DVL1: variants seen among roughly 807,000 people sequenced by gnomAD.
DVL1 encodes segment polarity protein dishevelled homolog DVL-1.
Under a neutral mutation model 65.0 loss-of-function variants are expected in DVL1, and 49 were observed. The ratio of observed to expected loss-of-function variants is 0.75; its 90% CI spans 0.60 to 0.96. DVL1 has a LOEUF of 0.96. DVL1 is among the 40% of genes least tolerant of loss of function. The pLI is 0.00. For synonymous variants in DVL1, 608 were observed against 433.9 expected (o/e 1.40, Z -4.99); for missense variants, 1,197 against 1,045.4 (o/e 1.15, Z -2.00).
chr1:1,338,229 T>TG, intron 13 of DVL1, 40 bp downstream of exon 13: 51 of 1,522,226 alleles, frequency 3.4e-5, no homozygotes, highest in Non-Finnish European at 3.9e-5. Context: ...CCTCCGGCGT[T>TG]CCCCTCCCCC....
rs1410041869 is a variant in DVL1 at position 1,336,306 on chromosome 1, G to A, written c.1924C>T (p.Pro642Ser). 3.5e-5 allele frequency: 55 copies of A among 1,563,720 alleles called. No homozygotes were observed. The highest frequency in any genetic ancestry group is 4.3e-5 in the Non-Finnish European group (50 of 1,161,430). Residue 642 changes from proline (P) to serine (S), a missense_variant, in exon 15 of 15, where the codon CCC becomes TCC. Physicochemically the swap from Pro to Ser is moderately conservative, Grantham distance 74. Coordinates refer to ENST00000378888, the MANE Select transcript of DVL1 (RefSeq NM_001330311.2). ...SQASATAPGL[P>S]PPHPTTKAYT... ...GCCTTGGTCGTGGGGTGGGGCGGGGGGAGCCCCGGGGCGGTAGCCGAGGCC... is the reference window on the plus strand; with the variant it reads ...GCCTTGGTCGTGGGGTGGGGCGGGGAGAGCCCCGGGGCGGTAGCCGAGGCC...
chr1:1,342,023 TCC>T, intron 4 of DVL1, 28 bp downstream of exon 4: 1 of 1,528,850 alleles, frequency 6.5e-7, no homozygotes, highest in Middle Eastern at 1.7e-4. Context: ...AGGCTGGGGG[TCC>T]ACAGCTGGGC....
chr1:1,338,229 T>TGGGCCCC, intron 13 of DVL1, 40 bp downstream of exon 13: 36 of 1,522,098 alleles, frequency 2.4e-5, no homozygotes, highest in Non-Finnish European at 3.2e-5. Context: ...CCTCCGGCGT[T>TGGGCCCC]CCCCTCCCCC....
chr1:1,335,951 A>G lies in DVL1; in HGVS notation c.*191T>C. 1.4e-6 allele frequency: 1 copy of G among 726,410 alleles called. No homozygotes were observed. Among genetic ancestry groups the G allele is most frequent in the South Asian group, 1.9e-5 (1 of 53,460 alleles). 45.0% of individuals were successfully genotyped at this position (726,410 alleles called of 1,614,324 possible). A position where few individuals can be genotyped will look rare whatever the true frequency, so the allele number is the denominator to read the frequency against. On this transcript the variant is annotated 3_prime_UTR_variant, in exon 15 of 15. Transcript: ENST00000378888. Reference sequence around the variant, plus strand: ...GAGGGGCAGAGAGGGAGCGCCCCCAACACGGCTGCTCAGACACAGGTGCTG... The same window carrying G: ...GAGGGGCAGAGAGGGAGCGCCCCCAGCACGGCTGCTCAGACACAGGTGCTG...
intron 3 of DVL1, 97 bp downstream of exon 3, chr1:1,342,266 C>A: frequency 6.7e-7 from 1 of 1,495,916 alleles, no homozygotes; most frequent in South Asian, 1.3e-5. Context: ...AGGTGCCACG[C>A]CCGCCTACTG....
intron 5 of DVL1, among the ~76,000 whole-genome samples, 184 bp downstream of exon 5, chr1:1,341,483 A>C (rs999029155): frequency 3.3e-5 from 5 of 151,406 alleles, no homozygotes; most frequent in Admixed American, 3.3e-4. Flanking sequence ...CAGTGAAAAC[A>C]CCTCATGTGG....
rs754108481 is a variant in DVL1, at chr1:1,338,374, G to T, written c.1402C>A (p.Arg468=). 59 of 1,612,416 alleles carry T rather than the reference G, an allele frequency of 3.7e-5. No individual in the cohort carries two copies. Among genetic ancestry groups the T allele is most frequent in the Non-Finnish European group, 4.9e-5 (58 of 1,179,868 alleles). Residue 468 remains arginine, a synonymous_variant, in exon 13 of 15, where the codon CGG becomes AGG. Coordinates refer to ENST00000378888, the MANE Select transcript of DVL1 (RefSeq NM_001330311.2). ...TTCAGCAAGCTGCTGGCGTACTTCC[G>T]GGCCTCCCGCCGCTCCTTGAAGCCC... ...VEGFKERREA[R]KYASSLLKHG...
intron 1 of DVL1, among the ~76,000 whole-genome samples, chr1:1,345,105 C>G (rs1352709549): frequency 1.3e-5 from 2 of 152,296 alleles, no homozygotes; most frequent in African/African-American, 4.8e-5. Context: ...AGGGCCCTGC[C>G]CCCTCCCACC....
At chr1:1,345,215 C>A (rs1468830170) in intron 1 of DVL1, among the ~76,000 whole-genome samples, 1 of 152,196 alleles carries the variant, frequency 6.6e-6, no homozygotes, top group African/African-American at 2.4e-5. Flanking sequence ...TCACAGATGT[C>A]CAGCCAGGAC....
intron 5 of DVL1, among the ~76,000 whole-genome samples, chr1:1,341,002 C>G (rs528799490): frequency 6.8e-6 from 1 of 146,092 alleles, no homozygotes; most frequent in African/African-American, 2.6e-5. Context: ...GCATACTCAC[C>G]TGCACACGCA....
Position 1,339,628 on chromosome 1 carries a change from G to A in DVL1, c.1008C>T (p.Ala336=), listed in dbSNP as rs371616558. The A allele has an allele frequency of 2.5e-6, 4 of 1,609,052 alleles. No homozygotes were observed. The highest frequency in any genetic ancestry group is 1.1e-5 in the South Asian group (1 of 90,948). Residue 336 remains alanine (A), a synonymous_variant, in exon 10 of 15, where the codon GCC becomes GCT. Transcript: ENST00000378888. ...TTCGGGGCGTTGGGTCCCAGCACTT[G>A]GCCACAGTGAGGCTGATGGGCCTGC... ...SQTGPISLTV[A]KCWDPTPRSY... is the part of the protein sequence containing the mutation.
chr1:1,342,376 G>T lies in DVL1; in HGVS notation c.349C>A (p.Pro117Thr). 1 of 1,580,162 alleles carries T rather than the reference G, an allele frequency of 6.3e-7. No homozygotes were observed. The highest frequency in any genetic ancestry group is 8.6e-7 in the Non-Finnish European group (1 of 1,165,172). Residue 117 changes from proline (P) to threonine (T), a missense_variant, in exon 3 of 15, where the codon CCC (proline) becomes ACC (threonine). By Grantham distance (38) the Pro-to-Thr change is conservative (BLOSUM62 -1). Coordinates refer to ENST00000378888, the MANE Select transcript of DVL1 (RefSeq NM_001330311.2). ...CGGTGTCCTTACTGGAAGGAGGGGG[G>T]CCGGGAGTCCCCGATGCCGCCTGTC... ...ERTGGIGDSR[P>T]PSFHPNVASS... is the part of the protein sequence containing the mutation.
intron 1 of DVL1, 50 bp downstream of exon 1, chr1:1,348,846 G>A (rs1371763358): frequency 2.8e-6 from 4 of 1,437,418 alleles, no homozygotes; most frequent in East Asian, 6.5e-5. Flanking sequence ...GCGGGCAGGT[G>A]CGACCCCCGA....
At chr1:1,348,550 GAC>G (rs1643957893) in intron 1 of DVL1, among the ~76,000 whole-genome samples, 1 of 152,132 alleles carries the variant, frequency 6.6e-6, no homozygotes, top group Admixed American at 6.6e-5. Context: ...CCTTCCCACT[GAC>G]ACGCCCCTGA....
intron 1 of DVL1, among the ~76,000 whole-genome samples, chr1:1,346,607 C>T (rs1643917433): frequency 1.3e-5 from 2 of 152,246 alleles, no homozygotes; most frequent in African/African-American, 4.8e-5. Flanking sequence ...CCCACTGGGC[C>T]AAAGCCGTGC....
chr1:1,344,676 G>A (rs1469061753), intron 1 of DVL1, among the ~76,000 whole-genome samples: 2 of 152,158 alleles, frequency 1.3e-5, no homozygotes, highest in African/African-American at 2.4e-5. Context: ...AGCCTTCCCA[G>A]GTAAGACCAT....
intron 14 of DVL1, 114 bp downstream of exon 14, chr1:1,337,863 G>C: frequency 1.2e-6 from 1 of 825,196 alleles, no homozygotes; most frequent in Non-Finnish European, 2.0e-6. Flanking sequence ...GGGTGGGGTG[G>C]AGCTGGGGGT....
chr1:1,336,257 G>T lies in DVL1; in HGVS notation c.1973C>A (p.Pro658His). ...TKAYTVVGGP[P>H]GGPPVRELAA... ...CAGCTCCCGGACAGGGGGTCCCCCG[G>T]GTGGCCCCCCCACCACTGTATAGGC... The change falls in exon 15 of 15, where the codon CCC (proline) becomes CAC (histidine). Residue 658 changes from proline to histidine, a missense_variant. Pro to His is a moderately conservative substitution (Grantham distance 77, BLOSUM62 -2). Transcript: ENST00000378888. The T allele has an allele frequency of 1.3e-6, 2 of 1,560,006 alleles. No individual in the cohort carries two copies. The highest frequency in any genetic ancestry group is 1.7e-6 in the Non-Finnish European group (2 of 1,158,986).
At position 1,342,384 on chromosome 1, in the gene DVL1, TC is replaced by T; in HGVS notation, c.340del (p.Asp114ThrfsTer127). On this transcript the variant is annotated frameshift_variant, in exon 3 of 15. Transcript: ENST00000378888. LOFTEE classifies it high-confidence loss of function. ...TTACTGGAAGGAGGGGGGCCGGGAG[TC>T]CCCGATGCCGCCTGTCCGCTCAAGA... ...PPLERTGGIG[D>X]SRPPSFHPNV... is the part of the protein sequence containing the mutation. 1 of 1,584,674 alleles carries T rather than the reference TC, an allele frequency of 6.3e-7. No homozygotes were observed. The highest frequency in any genetic ancestry group is 8.6e-7 in the Non-Finnish European group (1 of 1,167,324).
Sources: gnomAD v4.1 joint callset for allele counts (sites outside exome capture counted in the v4.1 genomes callset) on GRCh38, gnomAD v4.1.1 for gene constraint, MANE v1.5 for transcripts, NCBI Gene and HGNC (gene_info 2026-07-23, HGNC 2026-07-21) for gene names.